LRRC4C: variants seen among roughly 807,000 people sequenced by gnomAD.
The protein encoded by LRRC4C is leucine rich repeat containing 4C.
A neutral mutation model predicts 33.6 loss-of-function variants in LRRC4C; 5 were observed. That is an observed-to-expected ratio of 0.15 (90% CI 0.08 to 0.31). The LOEUF (loss-of-function observed/expected upper bound fraction) is 0.31. Among genes scored for constraint, LRRC4C ranks in the 10% least tolerant of loss-of-function variants. LRRC4C has a pLI of 1.00. For missense variants in LRRC4C, 560 were observed against 796.7 expected (o/e 0.70, Z 3.58); for synonymous variants, 329 against 302.0 (o/e 1.09, Z -0.93).
chr11:40,513,965 TC>T (rs1955451082), intron 3 of LRRC4C, among the ~76,000 whole-genome samples: 1 of 152,188 alleles, frequency 6.6e-6, no homozygotes, highest in Non-Finnish European at 1.5e-5. Flanking sequence ...CACCTTAAAC[TC>T]TCAGTTCTCT....
At position 41,446,439 on chromosome 11, in the gene LRRC4C, G is replaced by C. The variant is rs150517906; in HGVS notation, c.-496+12992C>G. Among the ~76,000 whole-genome samples the C allele has an allele frequency of 7.2e-5, 11 of 152,262 alleles. No individual in the cohort carries two copies. In the East Asian group the frequency reaches 2.1e-3, roughly 30 times the overall value. ...TTCAGCTAGAGAACAGGCTGGGCTGGAAGGCCCAAGTTAGCCTCACTGGCA... is the reference window on the plus strand; with the variant it reads ...TTCAGCTAGAGAACAGGCTGGGCTGCAAGGCCCAAGTTAGCCTCACTGGCA... On this transcript the variant is annotated intron_variant, in intron 1 of 6. Transcript: ENST00000528697.
chr11:41,159,310 A>G (rs1944364598), intron 1 of LRRC4C, among the ~76,000 whole-genome samples: 1 of 152,068 alleles, frequency 6.6e-6, no homozygotes, highest in South Asian at 2.1e-4. Flanking sequence ...TAAATACATA[A>G]AAATAAAACA....
chr11:40,254,636 C>T (rs1296107844), intron 4 of LRRC4C, among the ~76,000 whole-genome samples: 2 of 152,178 alleles, frequency 1.3e-5, no homozygotes, highest in African/African-American at 4.8e-5. Flanking sequence ...ATGATATACG[C>T]ATATGAATAT....
At position 40,248,947 on chromosome 11, in the gene LRRC4C, C is replaced by T. The variant is rs188738990; in HGVS notation, c.-175-7349G>A. ...CACTGCTTGAGATCAGAGACTACAA[C>T]GGCAGTGACTGCTTTTTTTCATCCT... On this transcript the variant is annotated intron_variant, in intron 4 of 6. Coordinates refer to ENST00000528697, the MANE Select transcript of LRRC4C (RefSeq NM_001258419.2). 2.1e-3 allele frequency among the ~76,000 whole-genome samples: 318 copies of T among 152,222 alleles called. 1 individual carries two copies. Among genetic ancestry groups the T allele is most frequent in the Admixed American group, 6.1e-3 (94 of 15,294 alleles).
chr11:40,711,182 G>A (rs1024412696), intron 2 of LRRC4C, among the ~76,000 whole-genome samples: 11 of 152,120 alleles, frequency 7.2e-5, no homozygotes, highest in African/African-American at 4.8e-5. Context: ...GTTTTGGCTT[G>A]CCCTCCGTGG....
At chr11:40,891,394 C>T (rs1426688173) in intron 2 of LRRC4C, among the ~76,000 whole-genome samples, 2 of 152,118 alleles carry the variant, frequency 1.3e-5, no homozygotes, top group Non-Finnish European at 1.5e-5. Context: ...CTGTTTGTCA[C>T]ACCCAAAGCA....
intron 2 of LRRC4C, among the ~76,000 whole-genome samples, chr11:40,911,440 T>C (rs1049433253): frequency 3.3e-5 from 5 of 152,178 alleles, no homozygotes; most frequent in Non-Finnish European, 7.3e-5. Context: ...AAATGGGGTC[T>C]GGAGTGGACC....
chr11:41,221,294 A>G (rs1383052738), intron 1 of LRRC4C, among the ~76,000 whole-genome samples: 2 of 152,144 alleles, frequency 1.3e-5, no homozygotes, highest in Non-Finnish European at 2.9e-5. Flanking sequence ...ATATGAAAAA[A>G]AAAAAAAACC....
At chr11:40,633,770 A>T (rs1351431378) in intron 3 of LRRC4C, among the ~76,000 whole-genome samples, 1 of 152,162 alleles carries the variant, frequency 6.6e-6, no homozygotes, top group Non-Finnish European at 1.5e-5. Flanking sequence ...CCAATAATGT[A>T]CATTATTTTA....
At chr11:41,450,123 T>C (rs540832798) in intron 1 of LRRC4C, among the ~76,000 whole-genome samples, 62 of 152,258 alleles carry the variant, frequency 4.1e-4, no homozygotes, top group African/African-American at 1.4e-3. Flanking sequence ...TAAGTGCCAT[T>C]CCATTCTGAG....
chr11:40,912,662 C>T (rs1956755438), intron 2 of LRRC4C, among the ~76,000 whole-genome samples: 1 of 152,128 alleles, frequency 6.6e-6, no homozygotes, highest in South Asian at 2.1e-4. Flanking sequence ...AACCAGCTAA[C>T]ATCATAATGA....
At chr11:41,292,867 C>G (rs1950030645) in intron 1 of LRRC4C, among the ~76,000 whole-genome samples, 1 of 152,090 alleles carries the variant, frequency 6.6e-6, no homozygotes, top group Non-Finnish European at 1.5e-5. Context: ...TGTATCTAAC[C>G]TTTACAAATT....
intron 2 of LRRC4C, among the ~76,000 whole-genome samples, chr11:40,700,854 A>C (rs1050234391): frequency 2.6e-5 from 4 of 152,208 alleles, no homozygotes; most frequent in African/African-American, 7.2e-5. Context: ...AAATAAAATA[A>C]AATAAGTACT....
At chr11:40,318,127 T>C (rs966007660) in intron 4 of LRRC4C, among the ~76,000 whole-genome samples, 1 of 152,096 alleles carries the variant, frequency 6.6e-6, no homozygotes, top group Non-Finnish European at 1.5e-5. Context: ...CTATGCCAAA[T>C]AATATCAAAT....
At chr11:41,281,916 C>A (rs571862231) in intron 1 of LRRC4C, among the ~76,000 whole-genome samples, 1 of 152,102 alleles carries the variant, frequency 6.6e-6, no homozygotes, top group East Asian at 1.9e-4. Context: ...CCTATGGTAC[C>A]ATGGAGCACA....
chr11:40,443,796 T>C (rs1222452238), intron 3 of LRRC4C, among the ~76,000 whole-genome samples: 2 of 152,246 alleles, frequency 1.3e-5, no homozygotes, highest in African/African-American at 4.8e-5. Flanking sequence ...TCTAGTATAA[T>C]GTTTTACTAA....
intron 4 of LRRC4C, among the ~76,000 whole-genome samples, chr11:40,268,927 C>T (rs543489731): frequency 1.3e-5 from 2 of 152,250 alleles, no homozygotes; most frequent in South Asian, 2.1e-4. Context: ...ACTTAAGTAG[C>T]TTACTTTACC....
intron 1 of LRRC4C, among the ~76,000 whole-genome samples, chr11:41,249,172 C>T (rs1948554396): frequency 6.6e-6 from 1 of 152,012 alleles, no homozygotes; most frequent in South Asian, 2.1e-4. Flanking sequence ...GTACCTGGGA[C>T]TACAGGCACC....
chr11:40,157,149 A>C, intron 5 of LRRC4C, among the ~76,000 whole-genome samples: 1 of 152,188 alleles, frequency 6.6e-6, no homozygotes, highest in Non-Finnish European at 1.5e-5. Flanking sequence ...CGACAAAAAC[A>C]TAAAGTGTGG....
Sources: allele counts gnomAD v4.1 joint callset (sites outside exome capture counted in the v4.1 genomes callset), GRCh38; gene constraint gnomAD v4.1.1; transcripts MANE v1.5; gene names NCBI Gene and HGNC (gene_info 2026-07-23, HGNC 2026-07-21).